The following TFF3 variants were observed in gnomAD, a reference collection of about 807,000 sequenced individuals.
The protein encoded by TFF3 is trefoil factor 3.
In TFF3, 6 loss-of-function variants were observed where a neutral mutation model predicts 9.7. The ratio of observed to expected loss-of-function variants is 0.62; its 90% CI spans 0.34 to 1.22. TFF3 has a LOEUF of 1.22. TFF3 is among the 50% of genes most tolerant of loss of function. TFF3 has a pLI of 0.04. For missense variants in TFF3, 93 were observed against 98.6 expected (o/e 0.94, Z 0.24); for synonymous variants, 48 against 41.4 (o/e 1.16, Z -0.61).
chr21:42,312,934 G>A (rs1171571836), intron 2 of TFF3, among the ~76,000 whole-genome samples: 4 of 152,148 alleles, frequency 2.6e-5, no homozygotes, highest in South Asian at 2.1e-4. Flanking sequence ...CGCACAGCAC[G>A]CAGGCTCTCC....
In TFF3 at chr21:42,313,013, A is replaced by C. The variant is rs1026669048; in HGVS notation, c.229+472T>G. Among the ~76,000 whole-genome samples the C allele has an allele frequency of 6.6e-6, 1 of 151,794 alleles. No homozygotes were observed. Among genetic ancestry groups the C allele is most frequent in the African/African-American group, 2.4e-5 (1 of 41,304 alleles). ...CCTCCACCACGGCAGAGAGAGGGAG[A>C]GGAGATGACCCTTGTGGGGGGCAGA... On this transcript the variant is annotated intron_variant, in intron 2 of 2. Coordinates refer to ENST00000518498, the MANE Select transcript of TFF3 (RefSeq NM_003226.4). The surrounding 1 kb of genome is among the most constrained non-coding windows in gnomAD (Gnocchi z 4.0).
At position 42,315,336 on chromosome 21, in the gene TFF3, C is replaced by T. The variant is rs776182306; in HGVS notation, c.39G>A (p.Leu13=). ...CAGCAGAGCTGGAGGACAGCAAGGC[C>T]AGGACCAGCCCCAGCATGCAGAGCG... ...ARALCMLGLV[L]ALLSSSSAEE... is the part of the protein sequence containing the mutation. Residue 13 remains leucine, a synonymous_variant, in exon 1 of 3, where the codon CTG becomes CTA. Coordinates refer to ENST00000518498, the MANE Select transcript of TFF3 (RefSeq NM_003226.4). 2.5e-6 allele frequency: 4 copies of T among 1,614,146 alleles called. No individual in the cohort carries two copies. In the South Asian group the frequency reaches 4.4e-5, roughly 18 times the overall value.
chr21:42,312,070 T>A lies in TFF3; in HGVS notation c.*186A>T. 2.5e-6 allele frequency: 2 copies of A among 802,990 alleles called. No homozygotes were observed. The highest frequency in any genetic ancestry group is 4.4e-6 in the Non-Finnish European group (2 of 459,586). 49.7% of individuals were successfully genotyped at this position (802,990 alleles called of 1,614,324 possible). On this transcript the variant is annotated 3_prime_UTR_variant, in exon 3 of 3. Coordinates refer to ENST00000518498, the MANE Select transcript of TFF3 (RefSeq NM_003226.4). ...AGAAAGTCTCAGGCACGAAGAACTGTCCTCGGGTGGAGCATGGGACCTTTA... is the reference window on the plus strand; with the variant it reads ...AGAAAGTCTCAGGCACGAAGAACTGACCTCGGGTGGAGCATGGGACCTTTA...
chr21:42,312,392 A>ACTCAACACTCCCC, intron 2 of TFF3, 123 bp from the exon 3 acceptor site: 3 of 1,199,392 alleles, frequency 2.5e-6, no homozygotes, highest in Non-Finnish European at 2.3e-6. Flanking sequence ...GTCACCGGGG[A>ACTCAACACTCCCC]GTGTTGAGTC....
chr21:42,315,327 C>A lies in TFF3; in HGVS notation c.48G>T (p.Leu16=), dbSNP rs1440623174. 5.6e-6 allele frequency: 9 copies of A among 1,614,068 alleles called. No homozygotes were observed. Among genetic ancestry groups the A allele is most frequent in the Non-Finnish European group, 7.6e-6 (9 of 1,180,012 alleles). ...LCMLGLVLAL[L]SSSSAEEYVG... is the part of the protein sequence containing the mutation. ...CGTACTCCTCAGCAGAGCTGGAGGA[C>A]AGCAAGGCCAGGACCAGCCCCAGCA... The change falls in exon 1 of 3, where the codon CTG becomes CTT. Residue 16 remains leucine (L), a synonymous_variant. Transcript: ENST00000518498.
Position 42,312,002 on chromosome 21 carries a change from T to A in TFF3, c.*254A>T. On this transcript the variant is annotated 3_prime_UTR_variant, in exon 3 of 3. Transcript: ENST00000518498. Reference sequence around the variant, plus strand: ...CTGGGCAGACTCTCCCCTGACACCCTCCCGCCCTCTCCCACGACGCAGCAG... The same window carrying A: ...CTGGGCAGACTCTCCCCTGACACCCACCCGCCCTCTCCCACGACGCAGCAG... 4.2e-4 allele frequency: 230 copies of A among 545,120 alleles called. No individual in the cohort carries two copies. Among genetic ancestry groups the A allele is most frequent in the Non-Finnish European group, 5.7e-4 (162 of 282,546 alleles). The allele number at this position is 545,120 out of a possible 1,614,324, so 33.8% of individuals were successfully genotyped here. A position where few individuals can be genotyped will look rare whatever the true frequency, so the allele number is the denominator to read the frequency against.
rs189544424 is a variant in TFF3, at chr21:42,313,421, G to A, written c.229+64C>T. The A allele has an allele frequency of 1.9e-6, 3 of 1,542,210 alleles. No individual in the cohort carries two copies. The highest frequency in any genetic ancestry group is 2.8e-5 in the African/African-American group (2 of 71,650). On this transcript the variant is annotated intron_variant, in intron 2 of 2. Transcript: ENST00000518498. The surrounding 1 kb of genome is among the most constrained non-coding windows in gnomAD (Gnocchi z 4.0). Reference sequence around the variant, plus strand: ...TCCATCTCCAGCCCAGAAAGGACAGGGAGGCCCTGAGACCCCCTGCCTTAT... The same window carrying A: ...TCCATCTCCAGCCCAGAAAGGACAGAGAGGCCCTGAGACCCCCTGCCTTAT...
chr21:42,312,343 G>A, intron 2 of TFF3, 74 bp from the exon 3 acceptor site: 2 of 1,525,702 alleles, frequency 1.3e-6, no homozygotes, highest in East Asian at 2.3e-5. Flanking sequence ...GGTCAGGGCA[G>A]GCTCCAAGGC....
intron 2 of TFF3, among the ~76,000 whole-genome samples, chr21:42,312,951 G>A (rs2069339148): frequency 6.6e-6 from 1 of 152,124 alleles, no homozygotes; most frequent in Non-Finnish European, 1.5e-5. Context: ...CTCCGCCCCT[G>A]GGGAGGGAAC....
chr21:42,312,328 C>T (rs2069335542), intron 2 of TFF3, 59 bp from the exon 3 acceptor site: 1 of 1,544,596 alleles, frequency 6.5e-7, no homozygotes, highest in Non-Finnish European at 8.7e-7. Context: ...TGCCCAGCTT[C>T]CCAAGGTCAG....
rs762374679 is a variant in TFF3 at position 42,315,303 on chromosome 21, G to A, written c.72C>T (p.Tyr24=). ...ALLSSSSAEE[Y]VGLSANQCAV... ...CAGGGCAGTACTCACACAGGCCCAC[G>A]TACTCCTCAGCAGAGCTGGAGGACA... The change falls in exon 1 of 3, where the codon TAC becomes TAT. Residue 24 remains tyrosine (Y), a synonymous_variant. Transcript: ENST00000518498. 11 of 1,613,518 alleles carry A rather than the reference G, an allele frequency of 6.8e-6. No homozygotes were observed. In the Admixed American group the frequency reaches 1.5e-4, roughly 22 times the overall value.
intron 2 of TFF3, 102 bp from the exon 3 acceptor site, chr21:42,312,371 T>G (rs1052660942): frequency 4.1e-5 from 57 of 1,402,214 alleles, no homozygotes; most frequent in Non-Finnish European, 5.4e-5. Context: ...TAGTGCTGCC[T>G]CCTCCCCAGA....
chr21:42,314,148 G>A (rs1357372143), intron 1 of TFF3, among the ~76,000 whole-genome samples: 1 of 152,166 alleles, frequency 6.6e-6, no homozygotes, highest in East Asian at 1.9e-4. Context: ...ACATCCTTCA[G>A]TCCCCAATAT....
Position 42,313,434 on chromosome 21 carries a change from CCCCCTGCCTTA to C in TFF3, c.229+40_229+50del. On this transcript the variant is annotated intron_variant, in intron 2 of 2. Transcript: ENST00000518498. The surrounding 1 kb of genome is among the most constrained non-coding windows in gnomAD (Gnocchi z 4.0). Reference sequence around the variant, plus strand: ...CAGAAAGGACAGGGAGGCCCTGAGACCCCCTGCCTTATGGGGCTGGGCCCAGACCACGATGC... The same window carrying C: ...CAGAAAGGACAGGGAGGCCCTGAGACTGGGGCTGGGCCCAGACCACGATGC... 1 of 1,556,938 alleles carries C rather than the reference CCCCCTGCCTTA, an allele frequency of 6.4e-7. No homozygotes were observed.
rs2069333295 is a variant in TFF3 at position 42,312,020 on chromosome 21, C to T, written c.*236G>A. 2 of 706,040 alleles carry T rather than the reference C, an allele frequency of 2.8e-6. No individual in the cohort carries two copies. The highest frequency in any genetic ancestry group is 2.0e-5 in the Admixed American group (1 of 49,368). The allele number at this position is 706,040 out of a possible 1,614,324, so 43.7% of individuals were successfully genotyped here. On this transcript the variant is annotated 3_prime_UTR_variant, in exon 3 of 3. Transcript: ENST00000518498. ...GACACCCTCCCGCCCTCTCCCACGACGCAGCAGAAATAAAGCACAACCTCA... is the reference window on the plus strand; with the variant it reads ...GACACCCTCCCGCCCTCTCCCACGATGCAGCAGAAATAAAGCACAACCTCA...
At position 42,313,347 on chromosome 21, in the gene TFF3, G is replaced by C. The variant is rs2069341253; in HGVS notation, c.229+138C>G. Reference sequence around the variant, plus strand: ...GCCCTAAGTGTGAAGCCTCTGCTCTGAGGCCTTGGAACAGGTGTGTGTGTG... The same window carrying C: ...GCCCTAAGTGTGAAGCCTCTGCTCTCAGGCCTTGGAACAGGTGTGTGTGTG... On this transcript the variant is annotated intron_variant, in intron 2 of 2. Coordinates refer to ENST00000518498, the MANE Select transcript of TFF3 (RefSeq NM_003226.4). The surrounding 1 kb of genome is among the most constrained non-coding windows in gnomAD (Gnocchi z 4.0). 2 of 1,042,518 alleles carry C rather than the reference G, an allele frequency of 1.9e-6. No individual in the cohort carries two copies. Among genetic ancestry groups the C allele is most frequent in the African/African-American group, 1.6e-5 (1 of 61,056 alleles). The allele number at this position is 1,042,518 out of a possible 1,614,324, so 64.6% of individuals were successfully genotyped here.
chr21:42,312,361 T>G (rs2069335759), intron 2 of TFF3, 92 bp from the exon 3 acceptor site: 1 of 1,441,468 alleles, frequency 6.9e-7, no homozygotes, highest in African/African-American at 1.4e-5. Flanking sequence ...GGCCAGCACC[T>G]AGTGCTGCCT....
At position 42,315,225 on chromosome 21, in the gene TFF3, C is replaced by T; in HGVS notation, c.82+68G>A. The T allele has an allele frequency of 3.2e-6, 5 of 1,542,940 alleles. 1 individual carries two copies. In the South Asian group the frequency reaches 4.8e-5, roughly 15 times the overall value. On this transcript the variant is annotated intron_variant, in intron 1 of 2. Coordinates refer to ENST00000518498, the MANE Select transcript of TFF3 (RefSeq NM_003226.4). ...GGCCATTATTAAATGAATGCAGAAT[C>T]CCCCCTTATCCTGGATCCCTTCCCT... is the stretch of plus-strand genomic sequence containing the variant.
Position 42,313,579 on chromosome 21 carries a change from G to T in TFF3, c.135C>A (p.Pro45=), listed in dbSNP as rs759700487. ...PAKDRVDCGY[P]HVTPKECNNR... ...TGTTGCACTCCTTGGGGGTGACATG[G>T]GGGTAGCCGCAGTCCACCCTGTCCT... is the stretch of plus-strand genomic sequence containing the variant. The change falls in exon 2 of 3, where the codon CCC becomes CCA. Residue 45 remains proline, a synonymous_variant. Transcript: ENST00000518498. This position sits in a 1 kb window ranked among gnomAD's most constrained non-coding sequence, Gnocchi z 4.0. 83 of 1,611,184 alleles carry T rather than the reference G, an allele frequency of 5.2e-5. No individual in the cohort carries two copies. Among genetic ancestry groups the T allele is most frequent in the Non-Finnish European group, 7.0e-5 (82 of 1,179,626 alleles).
Sources: allele counts gnomAD v4.1 joint callset (sites outside exome capture counted in the v4.1 genomes callset), GRCh38; gene constraint gnomAD v4.1.1; non-coding constraint Gnocchi (gnomAD v3.1); transcripts MANE v1.5; gene names NCBI Gene and HGNC (gene_info 2026-07-23, HGNC 2026-07-21).